The following CD109 variants were observed in gnomAD, a reference collection of about 807,000 sequenced individuals.
CD109 encodes the protein CD109 molecule.
A neutral mutation model predicts 165.8 loss-of-function variants in CD109; 149 were observed. The observed-to-expected ratio is 0.90, with a 90% CI of 0.79 to 1.03. The LOEUF is 1.03. Ranked by LOEUF, CD109 falls within the 50% of genes least tolerant of loss-of-function variation. CD109 has a pLI of 0.00. For synonymous variants in CD109, 585 were observed against 592.1 expected (o/e 0.99, Z 0.18); for missense variants, 1,712 against 1,677.8 (o/e 1.02, Z -0.36).
the CD109 span, among the ~76,000 whole-genome samples, chr6:73,682,977 C>A: frequency 6.6e-6 from 1 of 152,204 alleles, no homozygotes; most frequent in Admixed American, 6.5e-5. Context: ...CCCATGAAAT[C>A]ACTTTTTCCT....
chr6:73,813,986 G>A (rs1455162937), intron 29 of CD109, among the ~76,000 whole-genome samples: 4 of 152,142 alleles, frequency 2.6e-5, no homozygotes, highest in Non-Finnish European at 4.4e-5. Context: ...TTAAGAAAGA[G>A]TTGACAAATG....
chr6:73,807,223 G>T, intron 25 of CD109, 151 bp downstream of exon 25: 1 of 626,590 alleles, frequency 1.6e-6, no homozygotes. Context: ...TTGCATTTGT[G>T]GCCATGTTCC....
chr6:73,724,594 G>C (rs1275300706), intron 3 of CD109, among the ~76,000 whole-genome samples: 1 of 151,446 alleles, frequency 6.6e-6, no homozygotes, highest in African/African-American at 2.4e-5. Context: ...TCATAAGCCA[G>C]GTTCGCTCAT....
At chr6:73,702,271 T>C (rs1255545203) in intron 2 of CD109, among the ~76,000 whole-genome samples, 2 of 152,122 alleles carry the variant, frequency 1.3e-5, no homozygotes, top group Non-Finnish European at 2.9e-5. Flanking sequence ...TCAGTAAGGG[T>C]GGGAAATTTT....
intron 7 of CD109, among the ~76,000 whole-genome samples, chr6:73,759,297 G>GT (rs548616281): frequency 3.4e-4 from 51 of 149,638 alleles, no homozygotes; most frequent in South Asian, 8.5e-4. Flanking sequence ...AGATAGCACT[G>GT]TTTTTTTTTC....
intron 2 of CD109, among the ~76,000 whole-genome samples, chr6:73,707,960 CTTTATATATATATATATA>C (rs1381645983): frequency 2.8e-5 from 3 of 106,378 alleles, no homozygotes; most frequent in Non-Finnish European, 5.4e-5. Context: ...AAATTGTTAT[CTTTATATATATATATATA>C]TATATATATA....
At chr6:73,684,935 T>C in the CD109 span, among the ~76,000 whole-genome samples, 1 of 151,848 alleles carries the variant, frequency 6.6e-6, no homozygotes, top group Non-Finnish European at 1.5e-5. Flanking sequence ...TTTTTCTTTT[T>C]TTTTTTTTGA....
chr6:73,812,948 T>C (rs1308134879), intron 29 of CD109, among the ~76,000 whole-genome samples: 2 of 152,112 alleles, frequency 1.3e-5, no homozygotes, highest in East Asian at 3.9e-4. Context: ...ACTGAAACAC[T>C]TACTGAGAAA....
chr6:73,728,030 A>G (rs561518464), intron 3 of CD109, among the ~76,000 whole-genome samples: 3 of 152,212 alleles, frequency 2.0e-5, no homozygotes, highest in African/African-American at 7.2e-5. Context: ...CTCAATAAAT[A>G]CTTCTTTAGG....
intron 2 of CD109, among the ~76,000 whole-genome samples, chr6:73,721,919 G>A (rs957917438): frequency 2.0e-5 from 3 of 151,740 alleles, no homozygotes; most frequent in African/African-American, 7.3e-5. Context: ...AGTTTTTAGT[G>A]GAGATGGGGT....
rs1774030977 is a variant in CD109, at chr6:73,771,464, A to G, written c.1710A>G (p.Pro570=). 2.5e-6 allele frequency: 4 copies of G among 1,607,870 alleles called. No individual in the cohort carries two copies. Among genetic ancestry groups the G allele is most frequent in the African/African-American group, 2.7e-5 (2 of 74,742 alleles). The change falls in exon 15 of 33, where the codon CCA becomes CCG. Residue 570 remains proline (P), a synonymous_variant. Coordinates refer to ENST00000287097, the MANE Select transcript of CD109 (RefSeq NM_133493.5). ...ATTGGAGTAAAGTGAAAGCTGAACC[A>G]TCTGAGAAAGTCTCTCTTAGGATCT... is the stretch of plus-strand genomic sequence containing the variant. ...KLYWSKVKAE[P]SEKVSLRISV... is the part of the protein sequence containing the mutation.
At chr6:73,679,485 TA>T in the CD109 span, among the ~76,000 whole-genome samples, 1,446 of 147,460 alleles carry the variant, frequency 9.8e-3, 5 homozygotes, top group Non-Finnish European at 0.011. Flanking sequence ...CTTGGATAAT[TA>T]AAAAAAAAAG....
At chr6:73,791,182 C>CACATATATATATATATAT (rs1562071050) in intron 22 of CD109, among the ~76,000 whole-genome samples, 9 of 50,990 alleles carry the variant, frequency 1.8e-4, no homozygotes, top group East Asian at 1.4e-3. Flanking sequence ...TATATACACA[C>CACATATATATATATATAT]ACACACATAC....
chr6:73,771,508 C>A lies in CD109; in HGVS notation c.1754C>A (p.Ser585Tyr). 6.2e-7 allele frequency: 1 copy of A among 1,610,896 alleles called. No homozygotes were observed. The highest frequency in any genetic ancestry group is 1.1e-5 in the South Asian group (1 of 90,356). ...SLRISVTQPD[S>Y]IVGIVAVDKS... ...AGGATCTCTGTGACACAGCCTGACT[C>A]CATAGTTGGGATTGTAGCTGTTGAC... is the stretch of plus-strand genomic sequence containing the variant. Residue 585 changes from serine to tyrosine, a missense_variant, in exon 15 of 33, where the codon TCC (serine) becomes TAC (tyrosine). Physicochemically the swap from Ser to Tyr is moderately radical, Grantham distance 144. Coordinates refer to ENST00000287097, the MANE Select transcript of CD109 (RefSeq NM_133493.5).
At chr6:73,685,349 AT>A in the CD109 span, among the ~76,000 whole-genome samples, 564 of 150,616 alleles carry the variant, frequency 3.7e-3, 5 homozygotes, top group African/African-American at 0.013. Flanking sequence ...TACTCTGATG[AT>A]TTTTTTTTCC....
upstream of CD109, among the ~76,000 whole-genome samples, chr6:73,692,789 G>C (rs1373451022): frequency 6.6e-6 from 1 of 152,134 alleles, no homozygotes; most frequent in Admixed American, 6.5e-5. Context: ...GTTTTATAAA[G>C]GGGAGTTCCC....
chr6:73,790,946 A>C (rs1428073220), intron 22 of CD109, among the ~76,000 whole-genome samples: 1 of 151,880 alleles, frequency 6.6e-6, no homozygotes, highest in Non-Finnish European at 1.5e-5. Context: ...TGTGCTTTAC[A>C]AATAACTGAA....
chr6:73,765,129 G>A (rs777543935), intron 10 of CD109, among the ~76,000 whole-genome samples: 1 of 152,118 alleles, frequency 6.6e-6, no homozygotes, highest in Non-Finnish European at 1.5e-5. Flanking sequence ...GCATGGGAGT[G>A]GGAGGTGGGG....
intron 23 of CD109, among the ~76,000 whole-genome samples, chr6:73,795,005 A>T (rs944904776): frequency 2.0e-5 from 3 of 151,474 alleles, no homozygotes; most frequent in Admixed American, 1.3e-4. Context: ...CACAAATGAG[A>T]TCTTTACACA....
Sources: allele counts gnomAD v4.1 joint callset (sites outside exome capture counted in the v4.1 genomes callset), GRCh38; gene constraint gnomAD v4.1.1; transcripts MANE v1.5; gene names NCBI Gene and HGNC (gene_info 2026-07-23, HGNC 2026-07-21).